The following MALRD1 variants were observed in gnomAD, a reference collection of about 807,000 sequenced individuals.
MALRD1 encodes MAM and LDL-receptor class A domain-containing protein 1.
MALRD1 carries 247 observed loss-of-function variants against 242.1 expected under a neutral mutation model. The ratio of observed to expected loss-of-function variants is 1.02; its 90% CI spans 0.92 to 1.13. MALRD1 has a LOEUF of 1.13. Ranked by LOEUF, MALRD1 falls within the 50% of genes most tolerant of loss-of-function variation. The probability of loss-of-function intolerance (pLI) is 0.00; values close to 1 mark genes in which losing one functional copy is unlikely to be tolerated. For missense variants in MALRD1, 2,989 were observed against 2,533.1 expected (o/e 1.18, Z -3.86); for synonymous variants, 995 against 866.6 (o/e 1.15, Z -2.60).
chr10:19,461,324 G>T (rs1835930803), intron 29 of MALRD1, among the ~76,000 whole-genome samples: 1 of 152,164 alleles, frequency 6.6e-6, no homozygotes, highest in South Asian at 2.1e-4. Context: ...GGTCAGGAAG[G>T]AGTTCAGAGA....
chr10:19,619,703 G>A (rs1839317320), intron 36 of MALRD1, among the ~76,000 whole-genome samples: 1 of 151,966 alleles, frequency 6.6e-6, no homozygotes, highest in Non-Finnish European at 1.5e-5. Flanking sequence ...TGACATCATT[G>A]CATTGCAAGT....
At chr10:19,224,207 C>G (rs1179388201) in intron 18 of MALRD1, among the ~76,000 whole-genome samples, 1 of 151,994 alleles carries the variant, frequency 6.6e-6, no homozygotes, top group Non-Finnish European at 1.5e-5. Context: ...TCTCTAGCAC[C>G]TGTTGTTTCC....
At chr10:19,305,796 C>T (rs889973911) in intron 21 of MALRD1, among the ~76,000 whole-genome samples, 17 of 135,536 alleles carry the variant, frequency 1.3e-4, no homozygotes, top group African/African-American at 4.4e-4. Context: ...ATATATATAC[C>T]ATATATATAC....
chr10:19,308,828 A>G (rs1842322577), intron 21 of MALRD1, among the ~76,000 whole-genome samples: 1 of 151,626 alleles, frequency 6.6e-6, no homozygotes, highest in Non-Finnish European at 1.5e-5. Flanking sequence ...GTAAATTTCC[A>G]AATTCAGAGA....
intron 4 of MALRD1, among the ~76,000 whole-genome samples, chr10:19,098,305 T>C (rs1836118866): frequency 1.3e-5 from 2 of 152,308 alleles, no homozygotes; most frequent in South Asian, 4.1e-4. Flanking sequence ...TACTGAAGCA[T>C]TTTTAACATG....
upstream of MALRD1, chr10:19,048,655 G>A (rs1834398784): frequency 4.2e-6 from 1 of 236,906 alleles, no homozygotes; most frequent in South Asian, 1.8e-4. Flanking sequence ...AGACCATAAA[G>A]GCTTAAATTG....
intron 28 of MALRD1, among the ~76,000 whole-genome samples, chr10:19,437,148 A>AT (rs768668890): frequency 2.7e-4 from 41 of 152,146 alleles, no homozygotes; most frequent in Non-Finnish European, 4.6e-4. Context: ...CCAAAAGGAC[A>AT]AGGCCACAAT....
At chr10:19,250,518 G>T (rs1190218271) in intron 18 of MALRD1, among the ~76,000 whole-genome samples, 1 of 151,896 alleles carries the variant, frequency 6.6e-6, no homozygotes, top group Non-Finnish European at 1.5e-5. Flanking sequence ...CTAATTTCAA[G>T]ATGATCAACA....
At chr10:19,607,393 C>A (rs1451880105) in intron 34 of MALRD1, among the ~76,000 whole-genome samples, 1 of 152,112 alleles carries the variant, frequency 6.6e-6, no homozygotes, top group African/African-American at 2.4e-5. Flanking sequence ...TGTGTCTTCA[C>A]GTAGCCTTTC....
chr10:19,109,187 G>A (rs1836584657), intron 5 of MALRD1, among the ~76,000 whole-genome samples: 1 of 152,148 alleles, frequency 6.6e-6, no homozygotes, highest in South Asian at 2.1e-4. Context: ...CAGCTCCTTG[G>A]ACAAGCTTCC....
At chr10:19,694,538 A>T (rs1833277257) in intron 38 of MALRD1, among the ~76,000 whole-genome samples, 1 of 152,236 alleles carries the variant, frequency 6.6e-6, no homozygotes, top group Non-Finnish European at 1.5e-5. Flanking sequence ...ATCTCACACC[A>T]GTTAGAATGG....
At chr10:19,573,341 G>T (rs1349086032) in intron 33 of MALRD1, among the ~76,000 whole-genome samples, 6 of 152,148 alleles carry the variant, frequency 3.9e-5, no homozygotes, top group African/African-American at 1.2e-4. Flanking sequence ...GGTGGATCAG[G>T]GCACCTACCC....
At chr10:19,311,050 A>G (rs1032220588) in intron 21 of MALRD1, among the ~76,000 whole-genome samples, 1 of 151,492 alleles carries the variant, frequency 6.6e-6, no homozygotes, top group Non-Finnish European at 1.5e-5. Context: ...AACACATAAT[A>G]TTTGGACAAA....
intron 26 of MALRD1, among the ~76,000 whole-genome samples, chr10:19,383,013 T>C (rs1279052329): frequency 6.6e-6 from 1 of 152,154 alleles, no homozygotes; most frequent in Non-Finnish European, 1.5e-5. Context: ...CCACTACAGA[T>C]ACCATGGACA....
chr10:19,365,672 A>C (rs111613078), intron 26 of MALRD1, among the ~76,000 whole-genome samples: 1 of 26,046 alleles, frequency 3.8e-5, no homozygotes. Context: ...AAAAAAAAAA[A>C]AAAAAAAAAA....
At chr10:19,282,977 C>A (rs375352960) in intron 20 of MALRD1, 42 bp from the exon 21 acceptor site, 2 of 1,420,878 alleles carry the variant, frequency 1.4e-6, no homozygotes, top group East Asian at 5.3e-5. Flanking sequence ...ATAGAAACTG[C>A]CACTTACTAG....
chr10:19,490,426 A>G (rs1357238715), intron 29 of MALRD1, among the ~76,000 whole-genome samples: 2 of 148,458 alleles, frequency 1.3e-5, no homozygotes, highest in Admixed American at 6.9e-5. Flanking sequence ...AAGCGAGTAC[A>G]GGCATACCTC....
intron 33 of MALRD1, among the ~76,000 whole-genome samples, chr10:19,579,396 A>C (rs1468550745): frequency 1.3e-5 from 2 of 152,202 alleles, no homozygotes; most frequent in Admixed American, 6.5e-5. Context: ...AGATTGTCTA[A>C]AACTCCTAGA....
intron 31 of MALRD1, among the ~76,000 whole-genome samples, chr10:19,507,121 G>T (rs1833177227): frequency 6.6e-6 from 1 of 151,950 alleles, no homozygotes; most frequent in South Asian, 2.1e-4. Context: ...GGTCTCCAGA[G>T]AACTCACTCT....
Sources: gnomAD v4.1 joint callset for allele counts (sites outside exome capture counted in the v4.1 genomes callset) on GRCh38, gnomAD v4.1.1 for gene constraint, MANE v1.5 for transcripts, NCBI Gene and HGNC (gene_info 2026-07-23, HGNC 2026-07-21) for gene names.